Variants in ZNF106 observed in about 807,000 individuals in gnomAD.
ZNF106 encodes zinc finger protein 106, also known as SH3-domain binding protein 3.
A neutral mutation model predicts 195.1 loss-of-function variants in ZNF106; 67 were observed. The ratio of observed to expected loss-of-function variants is 0.34; its 90% CI spans 0.28 to 0.42. The LOEUF (loss-of-function observed/expected upper bound fraction) is 0.42. Ranked by LOEUF, ZNF106 falls within the 10% of genes least tolerant of loss-of-function variation. The pLI is 1.00. For synonymous variants in ZNF106, 784 were observed against 818.6 expected (o/e 0.96, Z 0.72); for missense variants, 2,118 against 2,304.5 (o/e 0.92, Z 1.66).
intron 1 of ZNF106, among the ~76,000 whole-genome samples, chr15:42,483,920 C>T (rs147990766): frequency 1.3e-5 from 2 of 152,296 alleles, no homozygotes; most frequent in African/African-American, 4.8e-5. Context: ...CCCTCATCTC[C>T]CAGACTAGGT....
At position 42,442,473 on chromosome 15, in the gene ZNF106, T is replaced by C. The variant is rs1043411324; in HGVS notation, c.3422-59A>G. The C allele has an allele frequency of 3.6e-6, 5 of 1,404,062 alleles. No homozygotes were observed. In the Admixed American group the frequency reaches 1.1e-4, roughly 30 times the overall value. The allele number at this position is 1,404,062 out of a possible 1,614,324, so 87.0% of individuals were successfully genotyped here. A position where few individuals can be genotyped will look rare whatever the true frequency, so the allele number is the denominator to read the frequency against. ...AAAATGTTATCTGAAAAGTCATTTG[T>C]GTCTGAGCTAATTTGTATTTTTAAA... is the stretch of plus-strand genomic sequence containing the variant. On this transcript the variant is annotated intron_variant, in intron 9 of 21. Transcript: ENST00000564754.
chr15:42,426,563 CTTTTTTT>C (rs539711765), intron 15 of ZNF106, among the ~76,000 whole-genome samples: 1 of 115,742 alleles, frequency 8.6e-6, no homozygotes, highest in Non-Finnish European at 1.8e-5. Context: ...CCATACTTAG[CTTTTTTT>C]TTTTTTTTTT....
At chr15:42,429,344 C>T (rs1471826593) in intron 14 of ZNF106, among the ~76,000 whole-genome samples, 1 of 151,480 alleles carries the variant, frequency 6.6e-6, no homozygotes, top group South Asian at 2.1e-4. Context: ...GAGGCTGAGG[C>T]AGGAGAACTG....
intron 2 of ZNF106, among the ~76,000 whole-genome samples, chr15:42,470,102 T>C (rs2056631418): frequency 6.6e-6 from 1 of 152,118 alleles, no homozygotes; most frequent in Admixed American, 6.6e-5. Context: ...GGCTCACACT[T>C]GAGGCCAGGA....
At position 42,419,632 on chromosome 15, in the gene ZNF106, C is replaced by G. The variant is rs1287171479; in HGVS notation, c.5517+1429G>C. 3.9e-5 allele frequency among the ~76,000 whole-genome samples: 6 copies of G among 152,150 alleles called. No homozygotes were observed. The East Asian group carries it at 1.2e-3, about 29-fold the overall frequency. ...GGCTTGTTGGTAAAGTCTTGTGATT[C>G]TAATTCGAACACATGTTTATTTCTT... On this transcript the variant is annotated intron_variant, in intron 20 of 21. Transcript: ENST00000564754.
intron 3 of ZNF106, among the ~76,000 whole-genome samples, chr15:42,462,178 T>C (rs1346852863): frequency 6.6e-6 from 1 of 152,164 alleles, no homozygotes; most frequent in Admixed American, 6.5e-5. Flanking sequence ...TAATTTAAAA[T>C]GGTAGATAAA....
At position 42,451,022 on chromosome 15, in the gene ZNF106, G is replaced by C; in HGVS notation, c.1250C>G (p.Thr417Ser). Residue 417 changes from threonine to serine, a missense_variant, in exon 5 of 22, where the codon ACT becomes AGT. Transcript: ENST00000564754. The part of the protein sequence containing the change: ...LITTGIQEPQ[T>S]DETRNSPTQK... ...TGTTGGGGAATTACGTGTTTCATCA[G>C]TTTGGGGCTCCTGTATTCCTGTAGT... 6.2e-7 allele frequency: 1 copy of C among 1,614,198 alleles called. No homozygotes were observed. Among genetic ancestry groups the C allele is most frequent in the Non-Finnish European group, 8.5e-7 (1 of 1,180,032 alleles).
At chr15:42,431,732 C>T (rs2141289243) in intron 14 of ZNF106, among the ~76,000 whole-genome samples, 1 of 152,256 alleles carries the variant, frequency 6.6e-6, no homozygotes, top group Admixed American at 6.5e-5. Context: ...CCTTGGCCTC[C>T]CAAAGTGCTG....
intron 9 of ZNF106, 90 bp downstream of exon 9, chr15:42,444,112 C>CAAAA (rs58966014): frequency 4.2e-4 from 105 of 248,892 alleles, no homozygotes; most frequent in Middle Eastern, 3.0e-3. Context: ...ACTCTGTCTC[C>CAAAA]AAAAAAAAAA....
At chr15:42,470,740 T>C (rs1420714467) in intron 2 of ZNF106, among the ~76,000 whole-genome samples, 1 of 152,170 alleles carries the variant, frequency 6.6e-6, no homozygotes, top group Non-Finnish European at 1.5e-5. Context: ...ATATCACATC[T>C]CTGAACAGCA....
chr15:42,490,586 CG>C (rs1163000067), intron 1 of ZNF106, among the ~76,000 whole-genome samples: 1 of 152,124 alleles, frequency 6.6e-6, no homozygotes, highest in Non-Finnish European at 1.5e-5. Flanking sequence ...GGAAAAAGAA[CG>C]GAGGTTGTCA....
rs746435431 is a variant in ZNF106, at chr15:42,428,020, T to A, written c.4996A>T (p.Lys1666Ter). 1 of 1,613,228 alleles carries A rather than the reference T, an allele frequency of 6.2e-7. No homozygotes were observed. Among genetic ancestry groups the A allele is most frequent in the Non-Finnish European group, 8.5e-7 (1 of 1,179,236 alleles). The change falls in exon 15 of 22, where the codon AAG becomes TAG. Residue 1666 changes from lysine (K) to a stop codon, truncating the protein, a stop_gained and splice_region_variant. Coordinates refer to ENST00000564754, the MANE Select transcript of ZNF106 (RefSeq NM_001366845.3). LOFTEE classifies it high-confidence loss of function. ...ANGTVVTFNI[K>*]NNKRLEIFEC... is the part of the protein sequence containing the mutation. The stretch of plus-strand genomic sequence containing the variant: ...CCTTTTCTCCTCCAACCACTAACCT[T>A]TATGTTGAAGGTGACCACAGTGCCA...
At chr15:42,481,358 T>TGG (rs1567034059) in intron 1 of ZNF106, among the ~76,000 whole-genome samples, 3 of 88,238 alleles carry the variant, frequency 3.4e-5, no homozygotes, top group Non-Finnish European at 6.7e-5. Context: ...TTTTTTGTTG[T>TGG]TTTTTTTTTT....
At chr15:42,426,410 A>G (rs891283170) in intron 15 of ZNF106, among the ~76,000 whole-genome samples, 26 of 151,464 alleles carry the variant, frequency 1.7e-4, no homozygotes, top group African/African-American at 4.4e-4. Flanking sequence ...AAAAAAAAAA[A>G]AGAGAGAGAG....
chr15:42,461,693 C>T (rs1289566925), intron 3 of ZNF106, among the ~76,000 whole-genome samples: 1 of 152,164 alleles, frequency 6.6e-6, no homozygotes, highest in African/African-American at 2.4e-5. Context: ...CTAAGTAACA[C>T]ATACTTTGCA....
chr15:42,415,370 C>A lies in ZNF106; in HGVS notation c.*1934G>T, dbSNP rs1335957111. Reference sequence around the variant, plus strand: ...TGCCTGACCTTGAGTGATCCACCCGCCTCGGCCTCCCAAAGAGCTGGGATT... The same window carrying A: ...TGCCTGACCTTGAGTGATCCACCCGACTCGGCCTCCCAAAGAGCTGGGATT... On this transcript the variant is annotated 3_prime_UTR_variant, in exon 22 of 22. Coordinates refer to ENST00000564754, the MANE Select transcript of ZNF106 (RefSeq NM_001366845.3). 4.4e-6 allele frequency: 2 copies of A among 450,900 alleles called. No homozygotes were observed. The highest frequency in any genetic ancestry group is 8.9e-6 in the Non-Finnish European group (2 of 224,536). The allele number at this position is 450,900 out of a possible 1,614,324, so 27.9% of individuals were successfully genotyped here. A position where few individuals can be genotyped will look rare whatever the true frequency, so the allele number is the denominator to read the frequency against.
At chr15:42,440,999 AT>A (rs1172668036) in intron 10 of ZNF106, among the ~76,000 whole-genome samples, 6,173 of 31,718 alleles carry the variant, frequency 0.19, 1,115 homozygotes, top group Admixed American at 0.35. Flanking sequence ...AAAAAAAAAA[AT>A]ATATATATAT....
chr15:42,440,960 G>T (rs1211849905), intron 10 of ZNF106, among the ~76,000 whole-genome samples: 4 of 117,948 alleles, frequency 3.4e-5, no homozygotes, highest in Non-Finnish European at 6.8e-5. Flanking sequence ...ACCAGCCTGG[G>T]CAACAAAAAG....
intron 12 of ZNF106, among the ~76,000 whole-genome samples, chr15:42,438,270 G>T (rs971618161): frequency 6.6e-6 from 1 of 152,024 alleles, no homozygotes; most frequent in African/African-American, 2.4e-5. Context: ...GCGCACCTGT[G>T]GTCCCAGCTA....
Sources: gnomAD v4.1 joint callset for allele counts (sites outside exome capture counted in the v4.1 genomes callset) on GRCh38, gnomAD v4.1.1 for gene constraint, MANE v1.5 for transcripts, NCBI Gene and HGNC (gene_info 2026-07-23, HGNC 2026-07-21) for gene names.